Variants in ITSN2 observed in about 807,000 individuals in gnomAD.
The protein encoded by ITSN2 is intersectin 2.
Under a neutral mutation model 243.7 loss-of-function variants are expected in ITSN2, and 156 were observed. The observed-to-expected ratio is 0.64, with a 90% CI of 0.56 to 0.73. The LOEUF (loss-of-function observed/expected upper bound fraction) is 0.73, where lower values mean the gene tolerates loss of function less well. ITSN2 is among the 30% of genes least tolerant of loss of function. The probability of loss-of-function intolerance (pLI) is 0.00; values close to 1 mark genes in which losing one functional copy is unlikely to be tolerated. For synonymous variants in ITSN2, 703 were observed against 699.9 expected, an observed-to-expected ratio of 1.00 and a Z score of -0.07; for missense variants, 1,801 against 1,996.1, an observed-to-expected ratio of 0.90 and a Z score of 1.86.
chr2:24,257,008 T>C (rs1675131000), intron 23 of ITSN2, among the ~76,000 whole-genome samples: 1 of 152,154 alleles, frequency 6.6e-6, no homozygotes, highest in South Asian at 2.1e-4. Context: ...AAGTAACTTT[T>C]CTAACTGATT....
chr2:24,207,785 G>T (rs932918869), intron 37 of ITSN2, among the ~76,000 whole-genome samples: 6 of 151,888 alleles, frequency 4.0e-5, no homozygotes, highest in African/African-American at 1.5e-4. Flanking sequence ...AGAAGGATGG[G>T]GAGAGGGCAG....
chr2:24,205,146 C>T, intron 38 of ITSN2, 68 bp downstream of exon 38: 1 of 1,368,846 alleles, frequency 7.3e-7, no homozygotes, highest in Non-Finnish European at 1.0e-6. Context: ...GACTCTGTCT[C>T]AAAAAGTCAT....
intron 1 of ITSN2, among the ~76,000 whole-genome samples, chr2:24,337,321 T>TATATATATATAC (rs1686516423): frequency 1.2e-5 from 1 of 80,892 alleles, no homozygotes; most frequent in Non-Finnish European, 2.4e-5. Flanking sequence ...ACAAAATATA[T>TATATATATATAC]ATATATATAT....
intron 29 of ITSN2, among the ~76,000 whole-genome samples, chr2:24,223,866 A>AC (rs1216437562): frequency 7.4e-5 from 1 of 13,470 alleles, no homozygotes; most frequent in African/African-American, 3.7e-4. Flanking sequence ...AAGAAAGGAA[A>AC]GAAAGAAAAA....
chr2:24,310,425 G>C lies in ITSN2; in HGVS notation c.557-45C>G, dbSNP rs767589023. On this transcript the variant is annotated intron_variant, in intron 6 of 39. Coordinates refer to ENST00000355123, the MANE Select transcript of ITSN2 (RefSeq NM_006277.3). Reference sequence around the variant, plus strand: ...AAAAGTATGAAAGAAATTTGTATCTGTTCAAACACAAATAGTTTCTTTCTT... The same window carrying C: ...AAAAGTATGAAAGAAATTTGTATCTCTTCAAACACAAATAGTTTCTTTCTT... 1.2e-5 allele frequency: 19 copies of C among 1,605,580 alleles called. No homozygotes were observed. The East Asian group carries it at 4.0e-4, about 34-fold the overall frequency.
chr2:24,257,479 C>T (rs774681332), intron 23 of ITSN2, among the ~76,000 whole-genome samples: 6 of 149,740 alleles, frequency 4.0e-5, no homozygotes, highest in African/African-American at 1.5e-4. Flanking sequence ...TTTTTTAATA[C>T]GGGGTATCAC....
chr2:24,216,785 A>T (rs937937850), intron 31 of ITSN2, among the ~76,000 whole-genome samples: 1 of 151,434 alleles, frequency 6.6e-6, no homozygotes, highest in South Asian at 2.1e-4. Context: ...AAATAAATTT[A>T]AAAAATACAC....
At chr2:24,258,440 G>T (rs1156509802) in intron 22 of ITSN2, among the ~76,000 whole-genome samples, 3 of 152,102 alleles carry the variant, frequency 2.0e-5, no homozygotes, top group Admixed American at 2.0e-4. Context: ...TTCTCTTCCA[G>T]CTTGCAATGT....
intron 1 of ITSN2, among the ~76,000 whole-genome samples, chr2:24,337,018 G>A (rs1339619856): frequency 6.6e-6 from 1 of 150,780 alleles, no homozygotes; most frequent in Non-Finnish European, 1.5e-5. Flanking sequence ...AAACCCTGCA[G>A]AAATCAGAGT....
chr2:24,334,578 G>C, intron 1 of ITSN2: 1 of 996,890 alleles, frequency 1.0e-6, no homozygotes, highest in Non-Finnish European at 1.6e-6. Flanking sequence ...ACCCTGCAAA[G>C]TGACACAGTA....
intron 18 of ITSN2, among the ~76,000 whole-genome samples, chr2:24,272,424 CTTTT>C (rs528083155): frequency 4.9e-5 from 6 of 123,428 alleles, no homozygotes; most frequent in African/African-American, 1.3e-4. Context: ...AAACAACCTA[CTTTT>C]TTTTTTTTTT....
rs148730074 is a variant in ITSN2 at position 24,264,903 on chromosome 2, G to A, written c.2356-3161C>T. On this transcript the variant is annotated intron_variant, in intron 20 of 39. Transcript: ENST00000355123. ...AGTTGTTTTGCTTTTGAATCATCTC[G>A]TCATTTGCTACAAAAACAAAAAGAA... is the stretch of plus-strand genomic sequence containing the variant. Among the ~76,000 whole-genome samples the A allele has an allele frequency of 5.3e-5, 8 of 150,612 alleles. No individual in the cohort carries two copies. The East Asian group carries it at 1.2e-3, about 22-fold the overall frequency.
intron 4 of ITSN2, among the ~76,000 whole-genome samples, chr2:24,313,083 T>G (rs948696246): frequency 3.5e-5 from 3 of 85,284 alleles, no homozygotes; most frequent in Admixed American, 3.3e-4. Flanking sequence ...AAGAAATACC[T>G]TTTTTTTTTT....
At position 24,260,530 on chromosome 2, in the gene ITSN2, C is replaced by A. The variant is rs528391880; in HGVS notation, c.2682+576G>T. ...TATTATAATAACTACAAATCAAGAA[C>A]AATATATCATGAGATTTGTAAAAAT... On this transcript the variant is annotated intron_variant, in intron 22 of 39. Transcript: ENST00000355123. Among the ~76,000 whole-genome samples the A allele has an allele frequency of 6.0e-5, 9 of 149,354 alleles. No homozygotes were observed. In the South Asian group the frequency reaches 1.9e-3, roughly 32 times the overall value.
intron 29 of ITSN2, among the ~76,000 whole-genome samples, chr2:24,243,010 T>C (rs1171225711): frequency 6.6e-6 from 1 of 152,166 alleles, no homozygotes; most frequent in Non-Finnish European, 1.5e-5. Flanking sequence ...TGTCAGTATG[T>C]AAAATGACCA....
chr2:24,261,136 G>T lies in ITSN2; in HGVS notation c.2652C>A (p.Ser884=). 6.2e-7 allele frequency: 1 copy of T among 1,613,814 alleles called. No individual in the cohort carries two copies. The highest frequency in any genetic ancestry group is 8.5e-7 in the Non-Finnish European group (1 of 1,179,868). The change falls in exon 22 of 40, where the codon TCC becomes TCA. Residue 884 remains serine (S), a synonymous_variant. Transcript: ENST00000355123. ...CATGAATAGGTGATACAGATCCAGG[G>T]GACACAGTTCGAGTGAAGGCTGATT... The part of the protein sequence containing the change: ...QKKSAFTRTV[S]PGSVSPIHGQ...
chr2:24,268,202 G>C (rs558832390), intron 20 of ITSN2, among the ~76,000 whole-genome samples: 1 of 152,340 alleles, frequency 6.6e-6, no homozygotes, highest in South Asian at 2.1e-4. Context: ...CCAAGACTCA[G>C]TGGAATTTCT....
At chr2:24,236,059 G>C (rs1383689429) in intron 29 of ITSN2, among the ~76,000 whole-genome samples, 1 of 152,150 alleles carries the variant, frequency 6.6e-6, no homozygotes, top group African/African-American at 2.4e-5. Flanking sequence ...AATGTTCACA[G>C]CAGTATTATT....
intron 37 of ITSN2, among the ~76,000 whole-genome samples, chr2:24,207,322 TGAGGTGCCAGG>T (rs561055508): frequency 3.4e-4 from 51 of 150,188 alleles, no homozygotes; most frequent in Non-Finnish European, 7.1e-4. Flanking sequence ...TGACCAGGTG[TGAGGTGCCAGG>T]GAGGGGCCTG....
Sources: gnomAD v4.1 joint callset for allele counts (sites outside exome capture counted in the v4.1 genomes callset) on GRCh38, gnomAD v4.1.1 for gene constraint, MANE v1.5 for transcripts, NCBI Gene and HGNC (gene_info 2026-07-23, HGNC 2026-07-21) for gene names.